Variants in CDK14 observed in about 807,000 individuals in gnomAD.
CDK14 encodes the protein cyclin dependent kinase 14, also known as cyclin-dependent kinase 14.
Under a neutral mutation model 60.7 loss-of-function variants are expected in CDK14, and 34 were observed. That is an observed-to-expected ratio of 0.56 (90% CI 0.43 to 0.75). The LOEUF is 0.75. Ranked by LOEUF, CDK14 falls within the 30% of genes least tolerant of loss-of-function variation. The probability of loss-of-function intolerance (pLI) is 0.00; values close to 1 mark genes in which losing one functional copy is unlikely to be tolerated. For synonymous variants in CDK14, 197 were observed against 203.7 expected, an observed-to-expected ratio of 0.97 and a Z score of 0.28; for missense variants, 482 against 564.1, an observed-to-expected ratio of 0.85 and a Z score of 1.47.
intron 14 of CDK14, among the ~76,000 whole-genome samples, chr7:91,180,944 A>G (rs923171845): frequency 1.3e-5 from 2 of 152,186 alleles, no homozygotes; most frequent in African/African-American, 4.8e-5. Flanking sequence ...TCTGATCTAC[A>G]TGCACTCTCC....
intron 14 of CDK14, among the ~76,000 whole-genome samples, chr7:91,125,246 G>A (rs768249485): frequency 1.7e-4 from 26 of 152,104 alleles, no homozygotes; most frequent in Non-Finnish European, 3.1e-4. Flanking sequence ...ATCAGGGAGG[G>A]CTAGACACTG....
intron 6 of CDK14, among the ~76,000 whole-genome samples, chr7:90,893,325 A>G (rs550474062): frequency 5.3e-4 from 80 of 152,310 alleles, no homozygotes; most frequent in Non-Finnish European, 4.4e-4. Flanking sequence ...GCCCATAGCC[A>G]TGGTAGGGAT....
chr7:91,056,461 G>A (rs1028447712), intron 11 of CDK14, among the ~76,000 whole-genome samples: 2 of 152,020 alleles, frequency 1.3e-5, no homozygotes, highest in Non-Finnish European at 1.5e-5. Context: ...ACAATGTGCA[G>A]GTTGGTTACA....
chr7:90,700,649 G>T (rs936721949), intron 2 of CDK14, among the ~76,000 whole-genome samples: 7 of 152,112 alleles, frequency 4.6e-5, no homozygotes, highest in African/African-American at 1.7e-4. Flanking sequence ...ATCATTGCCA[G>T]TCTGTGGATA....
At chr7:90,749,612 A>G (rs1054989011) in intron 4 of CDK14, among the ~76,000 whole-genome samples, 31 of 152,288 alleles carry the variant, frequency 2.0e-4, no homozygotes, top group African/African-American at 7.5e-4. Flanking sequence ...CTTTCTACAC[A>G]AAAACTCTGG....
chr7:90,776,455 C>T (rs541064108), intron 4 of CDK14, among the ~76,000 whole-genome samples: 11 of 152,200 alleles, frequency 7.2e-5, no homozygotes, highest in Admixed American at 2.0e-4. Context: ...CTCTCAAAAC[C>T]GAACAATCAA....
chr7:90,887,911 A>G, intron 6 of CDK14, among the ~76,000 whole-genome samples: 1 of 152,170 alleles, frequency 6.6e-6, no homozygotes, highest in East Asian at 1.9e-4. Flanking sequence ...TTTTTTATTC[A>G]TCTTTATACA....
At chr7:90,698,321 TTATC>T (rs1451635445) in intron 2 of CDK14, among the ~76,000 whole-genome samples, 3 of 152,128 alleles carry the variant, frequency 2.0e-5, no homozygotes, top group Non-Finnish European at 4.4e-5. Context: ...ATAAATTACA[TTATC>T]TACTATTAAA....
intron 10 of CDK14, among the ~76,000 whole-genome samples, chr7:91,031,037 G>A (rs145876777): frequency 6.6e-5 from 10 of 152,288 alleles, no homozygotes; most frequent in Admixed American, 1.3e-4. Context: ...TGGCTCTGTC[G>A]TCCTTTTTGG....
At chr7:90,678,886 A>G (rs1454490337) in intron 2 of CDK14, among the ~76,000 whole-genome samples, 1 of 152,232 alleles carries the variant, frequency 6.6e-6, no homozygotes, top group African/African-American at 2.4e-5. Context: ...TCCACCTTAA[A>G]TCAGTAGCCT....
chr7:90,799,766 T>G (rs2116998974), intron 5 of CDK14, among the ~76,000 whole-genome samples: 1 of 147,974 alleles, frequency 6.8e-6, no homozygotes, highest in East Asian at 2.0e-4. Flanking sequence ...AACGTTATAC[T>G]CTGCTAGATT....
intron 5 of CDK14, among the ~76,000 whole-genome samples, chr7:90,859,708 T>C (rs1790942202): frequency 6.6e-6 from 1 of 152,126 alleles, no homozygotes; most frequent in African/African-American, 2.4e-5. Context: ...TTTGTTGCAG[T>C]TAATGAACTT....
At chr7:90,597,623 C>A (rs1005041681) in intron 1 of CDK14, among the ~76,000 whole-genome samples, 3 of 152,204 alleles carry the variant, frequency 2.0e-5, no homozygotes, top group African/African-American at 4.8e-5. Context: ...CTGCGAGTCC[C>A]TAGGAAGCTG....
intron 2 of CDK14, chr7:90,632,394 CT>C: frequency 4.4e-5 from 12 of 273,834 alleles, no homozygotes; most frequent in East Asian, 1.1e-4. Flanking sequence ...GTGCCCTCTT[CT>C]TTTTTGGAGT....
At chr7:90,656,160 T>C (rs2374334) in intron 2 of CDK14, among the ~76,000 whole-genome samples, 116,033 of 152,138 alleles carry the variant, frequency 0.76, 44,861 homozygotes, top group East Asian at 0.96. Context: ...CCTTTTCTTT[T>C]AGGGACTCCA....
chr7:90,677,561 G>A (rs1430377603), intron 2 of CDK14, among the ~76,000 whole-genome samples: 2 of 152,018 alleles, frequency 1.3e-5, no homozygotes, highest in Admixed American at 6.6e-5. Flanking sequence ...GGCCTCTTTT[G>A]TGTATTCACT....
intron 5 of CDK14, among the ~76,000 whole-genome samples, chr7:90,821,767 G>A (rs184923073): frequency 9.2e-5 from 14 of 152,204 alleles, no homozygotes; most frequent in South Asian, 6.2e-4. Context: ...TTAGACTTCC[G>A]GGGTCCCATC....
intron 6 of CDK14, among the ~76,000 whole-genome samples, chr7:90,877,680 T>A (rs1236495345): frequency 6.6e-6 from 1 of 152,080 alleles, no homozygotes; most frequent in African/African-American, 2.4e-5. Flanking sequence ...CTAGCTAGAA[T>A]CTTAGGAAAT....
chr7:91,062,663 T>C (rs1300079228), intron 11 of CDK14, among the ~76,000 whole-genome samples: 1 of 152,184 alleles, frequency 6.6e-6, no homozygotes, highest in South Asian at 2.1e-4. Context: ...AATGCTTTCA[T>C]GGATGCTATC....
Sources: allele counts gnomAD v4.1 joint callset (sites outside exome capture counted in the v4.1 genomes callset), GRCh38; gene constraint gnomAD v4.1.1; transcripts MANE v1.5; gene names NCBI Gene and HGNC (gene_info 2026-07-23, HGNC 2026-07-21).